FYB2: variants seen among roughly 807,000 people sequenced by gnomAD.
FYB2 encodes FYN-binding protein 2.
A neutral mutation model predicts 94.1 loss-of-function variants in FYB2; 103 were observed. The ratio of observed to expected loss-of-function variants is 1.09; its 90% CI spans 0.93 to 1.29. The LOEUF (loss-of-function observed/expected upper bound fraction) is 1.29, where lower values mean the gene tolerates loss of function less well. FYB2 is among the 50% of genes most tolerant of loss of function. The pLI is 0.00. For missense variants in FYB2, 896 were observed against 841.5 expected (o/e 1.06, Z -0.80); for synonymous variants, 293 against 287.9 (o/e 1.02, Z -0.18).
rs534107070 is a variant in FYB2 at position 56,768,504 on chromosome 1, A to G, written c.954-566T>C. Among the ~76,000 whole-genome samples, 10 of 152,306 alleles carry G rather than the reference A, an allele frequency of 6.6e-5. No individual in the cohort carries two copies. The South Asian group carries it at 1.9e-3, about 28-fold the overall frequency. On this transcript the variant is annotated intron_variant, in intron 4 of 19. Coordinates refer to ENST00000343433, the MANE Select transcript of FYB2 (RefSeq NM_001004303.5). Reference sequence around the variant, plus strand: ...GCCATAGGAACTGAAAGAGTCACCAATGAGAAATCAGAAACTTGAAAACCC... The same window carrying G: ...GCCATAGGAACTGAAAGAGTCACCAGTGAGAAATCAGAAACTTGAAAACCC...
chr1:56,779,974 T>C, intron 4 of FYB2, among the ~76,000 whole-genome samples: 1 of 152,180 alleles, frequency 6.6e-6, no homozygotes, highest in Middle Eastern at 3.2e-3. Flanking sequence ...TATTCACTAA[T>C]GTTCAATATT....
At chr1:56,757,736 TTCTTTCTTTCTTTCTTTCTTTTCA>T (rs1645385924) in intron 6 of FYB2, among the ~76,000 whole-genome samples, 1 of 60,284 alleles carries the variant, frequency 1.7e-5, no homozygotes. Context: ...CTTTCTTTCA[TTCTTTCTTTCTTTCTTTCTTTTCA>T]TTCTTTCTTT....
intron 15 of FYB2, among the ~76,000 whole-genome samples, chr1:56,730,191 TAAAC>T (rs765648234): frequency 1.1e-4 from 17 of 149,532 alleles, no homozygotes; most frequent in Non-Finnish European, 2.2e-4. Flanking sequence ...AAAGCTGACA[TAAAC>T]AAAATTTAGA....
rs774567781 is a variant in FYB2, at chr1:56,792,098, A to G, written c.715T>C (p.Cys239Arg). The change falls in exon 2 of 20, where the codon TGC becomes CGC. Residue 239 changes from cysteine to arginine, a missense_variant. Cys to Arg is a radical substitution (Grantham distance 180, BLOSUM62 -3). Coordinates refer to ENST00000343433, the MANE Select transcript of FYB2 (RefSeq NM_001004303.5). ...PPERSPASSP[C>R]QPIYECELAS... The stretch of plus-strand genomic sequence containing the variant: ...AGCTCACACTCATAGATGGGCTGGC[A>G]GGGGCTGCTTGCCGGGCTCCTCTCA... 10 of 1,609,190 alleles carry G rather than the reference A, an allele frequency of 6.2e-6. No homozygotes were observed. In the Admixed American group the frequency reaches 1.3e-4, roughly 22 times the overall value.
intron 15 of FYB2, among the ~76,000 whole-genome samples, chr1:56,735,847 G>C (rs1644819485): frequency 6.6e-6 from 1 of 152,054 alleles, no homozygotes; most frequent in Admixed American, 6.6e-5. Flanking sequence ...TAATTACCTA[G>C]TCTCAGGTAT....
chr1:56,719,713 G>A, intron 19 of FYB2, 21 bp from the exon 20 acceptor site: 1 of 1,560,378 alleles, frequency 6.4e-7, no homozygotes, highest in Non-Finnish European at 8.7e-7. Flanking sequence ...ATAAAAATAT[G>A]CAAACATTTT....
chr1:56,738,735 A>G (rs1644885789), intron 13 of FYB2, 82 bp from the exon 14 acceptor site: 1 of 1,436,092 alleles, frequency 7.0e-7, no homozygotes, highest in Non-Finnish European at 9.7e-7. Context: ...CCAATAACAT[A>G]TTGATGATGC....
chr1:56,805,298 A>G (rs1481177972), intron 1 of FYB2, among the ~76,000 whole-genome samples: 1 of 152,172 alleles, frequency 6.6e-6, no homozygotes, highest in Non-Finnish European at 1.5e-5. Flanking sequence ...TGTCCTTTTG[A>G]ATTAAACTGA....
intron 15 of FYB2, among the ~76,000 whole-genome samples, chr1:56,729,953 A>G (rs1001715135): frequency 1.3e-5 from 2 of 152,146 alleles, no homozygotes; most frequent in Non-Finnish European, 2.9e-5. Context: ...GGAAGAAATT[A>G]AGGATAATAC....
At chr1:56,819,437 C>T, upstream of FYB2, 3 of 1,140,468 alleles carry the variant, frequency 2.6e-6, no homozygotes, top group East Asian at 2.5e-5. Flanking sequence ...CCCCACCTGC[C>T]CCATCTGGGC....
intron 4 of FYB2, among the ~76,000 whole-genome samples, chr1:56,780,175 C>T (rs1027946371): frequency 6.6e-6 from 1 of 152,120 alleles, no homozygotes; most frequent in Non-Finnish European, 1.5e-5. Context: ...AACTAGGCCC[C>T]AAGTCTGCAA....
Position 56,792,246 on chromosome 1 carries a change from T to A in FYB2, c.567A>T (p.Lys189Asn), listed in dbSNP as rs1287059539. The A allele has an allele frequency of 6.2e-7, 1 of 1,612,306 alleles. No homozygotes were observed. The highest frequency in any genetic ancestry group is 8.5e-7 in the Non-Finnish European group (1 of 1,179,538). The change falls in exon 2 of 20, where the codon AAA becomes AAT. Residue 189 changes from lysine to asparagine, a missense_variant. Transcript: ENST00000343433. ...TCTGGGAAGGAAGAGTCTGGGCTCC[T>A]TTTGTTTCCAGCTTTTTCCTGGGTT... ...PEEPRKKLET[K>N]GAQTLPSQKH...
chr1:56,778,386 T>C (rs892329091), intron 4 of FYB2, among the ~76,000 whole-genome samples: 22 of 152,222 alleles, frequency 1.4e-4, no homozygotes, highest in Non-Finnish European at 3.2e-4. Context: ...TGAATATCAC[T>C]TGCTGCTCAG....
intron 15 of FYB2, among the ~76,000 whole-genome samples, chr1:56,730,341 G>A (rs1644679077): frequency 8.1e-6 from 1 of 123,430 alleles, no homozygotes; most frequent in Non-Finnish European, 1.7e-5. Context: ...GAGGGGAGAG[G>A]GAAGGGGAGA....
At chr1:56,759,416 T>A (rs1645435817) in intron 5 of FYB2, among the ~76,000 whole-genome samples, 1 of 152,102 alleles carries the variant, frequency 6.6e-6, no homozygotes, top group Admixed American at 6.6e-5. Flanking sequence ...GGATATAGGG[T>A]ATGGCCTATT....
At chr1:56,745,809 CT>C (rs1327798650) in intron 9 of FYB2, among the ~76,000 whole-genome samples, 1 of 151,906 alleles carries the variant, frequency 6.6e-6, no homozygotes, top group Admixed American at 6.6e-5. Flanking sequence ...ACAGAAGTCC[CT>C]TGTTATTTCT....
rs760429294 is a variant in FYB2 at position 56,792,293 on chromosome 1, C to CT, written c.519dup (p.Gly174ArgfsTer35). On this transcript the variant is annotated frameshift_variant, in exon 2 of 20. Transcript: ENST00000343433. LOFTEE classifies it high-confidence loss of function. ...GGTTCCTCTGGAGTAAGCCCCATGC[C>CT]TTTTTGCCCTTCCAGATGGATGGCC... The CT allele has an allele frequency of 6.2e-6, 10 of 1,614,054 alleles. No individual in the cohort carries two copies. The South Asian group carries it at 1.1e-4, about 18-fold the overall frequency.
intron 9 of FYB2, among the ~76,000 whole-genome samples, 181 bp downstream of exon 9, chr1:56,750,863 A>G (rs1645180190): frequency 1.3e-5 from 2 of 152,060 alleles, no homozygotes; most frequent in Admixed American, 1.3e-4. Flanking sequence ...TTTGAACTCA[A>G]GACTTCTGCT....
intron 1 of FYB2, among the ~76,000 whole-genome samples, chr1:56,807,361 A>G (rs1434131155): frequency 6.6e-6 from 1 of 152,204 alleles, no homozygotes; most frequent in African/African-American, 2.4e-5. Context: ...TCCCAGCTGC[A>G]TGAAGAAACA....
Sources: allele counts gnomAD v4.1 joint callset (sites outside exome capture counted in the v4.1 genomes callset), GRCh38; gene constraint gnomAD v4.1.1; transcripts MANE v1.5; gene names NCBI Gene and HGNC (gene_info 2026-07-23, HGNC 2026-07-21).